Variants in B3GLCT observed in about 807,000 individuals in gnomAD.
B3GLCT encodes the protein beta-1,3-glucosyltransferase.
Under a neutral mutation model 63.4 loss-of-function variants are expected in B3GLCT, and 65 were observed. The observed-to-expected ratio is 1.03, with a 90% CI of 0.84 to 1.26. The LOEUF (loss-of-function observed/expected upper bound fraction) is 1.26, where lower values mean the gene tolerates loss of function less well. B3GLCT is among the 50% of genes most tolerant of loss of function. The probability of loss-of-function intolerance (pLI) is 0.00; values close to 1 mark genes in which losing one functional copy is unlikely to be tolerated. For synonymous variants in B3GLCT, 233 were observed against 219.2 expected, an observed-to-expected ratio of 1.06 and a Z score of -0.55; for missense variants, 577 against 604.8, an observed-to-expected ratio of 0.95 and a Z score of 0.48.
At position 31,238,567 on chromosome 13, in the gene B3GLCT, C is replaced by T. The variant is rs547179675; in HGVS notation, c.271-8456C>T. Among the ~76,000 whole-genome samples, 10 of 152,272 alleles carry T rather than the reference C, an allele frequency of 6.6e-5. No homozygotes were observed. The South Asian group carries it at 8.3e-4, about 13-fold the overall frequency. On this transcript the variant is annotated intron_variant, in intron 4 of 14. Transcript: ENST00000343307. ...AGGAATTTAGTAGAATGCGTATTCTCGTTTTTATAAAGTAGATGGTAACTA... is the reference window on the plus strand; with the variant it reads ...AGGAATTTAGTAGAATGCGTATTCTTGTTTTTATAAAGTAGATGGTAACTA...
chr13:31,259,854 C>A (rs1871932825), intron 6 of B3GLCT, among the ~76,000 whole-genome samples: 1 of 151,590 alleles, frequency 6.6e-6, no homozygotes, highest in East Asian at 1.9e-4. Context: ...TATTACTATA[C>A]TTTAAGTTTT....
intron 3 of B3GLCT, among the ~76,000 whole-genome samples, chr13:31,224,191 A>T (rs547848717): frequency 6.6e-6 from 1 of 152,150 alleles, no homozygotes; most frequent in Admixed American, 6.5e-5. Flanking sequence ...AACCACGTCA[A>T]TTTGTTGCTT....
chr13:31,224,171 G>T (rs1869974414), intron 3 of B3GLCT, among the ~76,000 whole-genome samples: 2 of 152,126 alleles, frequency 1.3e-5, no homozygotes, highest in African/African-American at 4.8e-5. Context: ...GCGAGCAGCT[G>T]TATTTAAGGA....
At chr13:31,323,571 G>A (rs1875438458) in intron 13 of B3GLCT, among the ~76,000 whole-genome samples, 180 bp from the exon 14 acceptor site, 1 of 152,134 alleles carries the variant, frequency 6.6e-6, no homozygotes, top group Admixed American at 6.5e-5. Flanking sequence ...CAAAAGTGTT[G>A]GAAAGGGCCA....
At chr13:31,315,814 G>A (rs1476887598) in intron 12 of B3GLCT, among the ~76,000 whole-genome samples, 2 of 152,198 alleles carry the variant, frequency 1.3e-5, no homozygotes, top group African/African-American at 2.4e-5. Flanking sequence ...AAGTGGTTTC[G>A]TGGGCCTGGC....
intron 11 of B3GLCT, 137 bp downstream of exon 11, chr13:31,284,898 A>G: frequency 1.5e-6 from 1 of 670,642 alleles, no homozygotes; most frequent in Non-Finnish European, 2.7e-6. Context: ...CTTCTCTCAG[A>G]TACTGATTGG....
intron 1 of B3GLCT, among the ~76,000 whole-genome samples, chr13:31,209,226 G>A (rs1163004130): frequency 6.6e-6 from 1 of 152,190 alleles, no homozygotes; most frequent in Non-Finnish European, 1.5e-5. Context: ...GTCCCAGTAG[G>A]GTGGAGAAAA....
chr13:31,316,924 T>C (rs1435506153), intron 12 of B3GLCT, among the ~76,000 whole-genome samples: 1 of 152,158 alleles, frequency 6.6e-6, no homozygotes, highest in Non-Finnish European at 1.5e-5. Flanking sequence ...TAATGTGTGT[T>C]AAAGGCAGAT....
intron 3 of B3GLCT, among the ~76,000 whole-genome samples, chr13:31,226,072 C>T (rs569557620): frequency 6.6e-6 from 1 of 152,296 alleles, no homozygotes; most frequent in African/African-American, 2.4e-5. Flanking sequence ...GATCTGCTAC[C>T]CTCTGTGTGT....
At chr13:31,218,934 T>TA (rs1233379559) in intron 2 of B3GLCT, among the ~76,000 whole-genome samples, 3 of 151,868 alleles carry the variant, frequency 2.0e-5, no homozygotes, top group Non-Finnish European at 2.9e-5. Flanking sequence ...GAAGCCCTTT[T>TA]TTTTTTTTTG....
chr13:31,243,672 A>G (rs1871058901), intron 4 of B3GLCT, among the ~76,000 whole-genome samples: 1 of 152,224 alleles, frequency 6.6e-6, no homozygotes. Flanking sequence ...ATGAATTAGA[A>G]TGTTGGTTTT....
At chr13:31,251,512 GA>G (rs1566063054) in intron 6 of B3GLCT, among the ~76,000 whole-genome samples, 1 of 152,194 alleles carries the variant, frequency 6.6e-6, no homozygotes, top group Non-Finnish European at 1.5e-5. Context: ...CCAGTTTAGA[GA>G]AGAACGTAAA....
chr13:31,237,961 G>A (rs954713868), intron 4 of B3GLCT, among the ~76,000 whole-genome samples: 6 of 152,278 alleles, frequency 3.9e-5, no homozygotes, highest in Admixed American at 3.3e-4. Flanking sequence ...AAGTTGCTTG[G>A]TGAGGCAGAA....
At chr13:31,323,973 T>C in intron 14 of B3GLCT, 78 bp downstream of exon 14, 1 of 1,538,964 alleles carries the variant, frequency 6.5e-7, no homozygotes, top group Admixed American at 1.7e-5. Flanking sequence ...GACTTCTTTC[T>C]CTTCACATAT....
chr13:31,224,176 T>G (rs1161158253), intron 3 of B3GLCT, among the ~76,000 whole-genome samples: 6 of 152,114 alleles, frequency 3.9e-5, no homozygotes, highest in Non-Finnish European at 8.8e-5. Flanking sequence ...CAGCTGTATT[T>G]AAGGAACCAC....
intron 1 of B3GLCT, among the ~76,000 whole-genome samples, chr13:31,210,607 T>G (rs1869206899): frequency 6.6e-6 from 1 of 152,224 alleles, no homozygotes; most frequent in African/African-American, 2.4e-5. Context: ...GCTCATCTCT[T>G]TGCACCATCT....
intron 8 of B3GLCT, among the ~76,000 whole-genome samples, chr13:31,272,264 G>A (rs1872601818): frequency 7.1e-6 from 1 of 140,920 alleles, no homozygotes; most frequent in African/African-American, 2.6e-5. Flanking sequence ...CACCCAGGCT[G>A]GAGTGCAGTG....
chr13:31,205,724 T>C (rs1868915527), intron 1 of B3GLCT, among the ~76,000 whole-genome samples: 1 of 152,224 alleles, frequency 6.6e-6, no homozygotes, highest in African/African-American at 2.4e-5. Context: ...AAGAGAGTCT[T>C]GCTTAACAGA....
In B3GLCT at chr13:31,230,249, C is replaced by A. The variant is rs181647927; in HGVS notation, c.270+955C>A. Among the ~76,000 whole-genome samples, 10 of 152,288 alleles carry A rather than the reference C, an allele frequency of 6.6e-5. No individual in the cohort carries two copies. The East Asian group carries it at 1.5e-3, about 23-fold the overall frequency. On this transcript the variant is annotated intron_variant, in intron 4 of 14. Transcript: ENST00000343307. ...CTGGAGGTTTGGAGTGAGGGAGGAT[C>A]TACCTTGTGCTGCCCTATAGGTGCT...
Sources: gnomAD v4.1 joint callset for allele counts (sites outside exome capture counted in the v4.1 genomes callset) on GRCh38, gnomAD v4.1.1 for gene constraint, MANE v1.5 for transcripts, NCBI Gene and HGNC (gene_info 2026-07-23, HGNC 2026-07-21) for gene names.